Variants in TRPM2 observed in about 807,000 individuals in gnomAD.
TRPM2 encodes the protein transient receptor potential cation channel subfamily M member 2.
Under a neutral mutation model 174.0 loss-of-function variants are expected in TRPM2, and 161 were observed. The observed-to-expected ratio is 0.93, with a 90% CI of 0.81 to 1.05. The LOEUF (loss-of-function observed/expected upper bound fraction) is 1.05. Ranked by LOEUF, TRPM2 falls within the 50% of genes least tolerant of loss-of-function variation. The pLI, the probability that TRPM2 is intolerant of heterozygous loss-of-function variation, is 0.00. For synonymous variants in TRPM2, 954 were observed against 861.3 expected, an observed-to-expected ratio of 1.11 and a Z score of -1.88; for missense variants, 2,057 against 2,038.0, an observed-to-expected ratio of 1.01 and a Z score of -0.18.
In TRPM2 at chr21:44,441,977, C is replaced by A; in HGVS notation, c.*160C>A. ...CCTCACGGCTGCCGCAAGTCTGCTG[C>A]AGATGACCTCATGAACTGGAAGGGG... is the stretch of plus-strand genomic sequence containing the variant. On this transcript the variant is annotated 3_prime_UTR_variant, in exon 32 of 32. Coordinates refer to ENST00000397928, the MANE Select transcript of TRPM2 (RefSeq NM_003307.4). The A allele has an allele frequency of 9.2e-7, 1 of 1,083,484 alleles. No individual in the cohort carries two copies. Among genetic ancestry groups the A allele is most frequent in the Non-Finnish European group, 1.2e-6 (1 of 810,104 alleles). 67.1% of individuals were successfully genotyped at this position (1,083,484 alleles called of 1,614,324 possible).
intron 5 of TRPM2, 62 bp downstream of exon 5, chr21:44,369,405 G>A (rs1602144695): frequency 7.8e-6 from 12 of 1,544,306 alleles, no homozygotes; most frequent in Non-Finnish European, 1.1e-5. Flanking sequence ...GTCTGACTGG[G>A]CGCTGTGGGG....
rs150955029 is a variant in TRPM2, at chr21:44,379,021, G to A, written c.1039G>A (p.Gly347Ser). ...GACCATCGACAACGCCACCACCAAC[G>A]GCACCCCCTGTGTGGTTGTGGAGGG... is the stretch of plus-strand genomic sequence containing the variant. ...LHTIDNATTN[G>S]TPCVVVEGSG... is the part of the protein sequence containing the mutation. The change falls in exon 8 of 32, where the codon GGC becomes AGC. Residue 347 changes from glycine (G) to serine (S), a missense_variant. Physicochemically the swap from Gly to Ser is moderately conservative, Grantham distance 56. Transcript: ENST00000397928. The A allele has an allele frequency of 1.0e-4, 167 of 1,608,302 alleles. No individual in the cohort carries two copies. Among genetic ancestry groups the A allele is most frequent in the Non-Finnish European group, 1.3e-4 (155 of 1,179,936 alleles).
intron 9 of TRPM2, 44 bp downstream of exon 9, chr21:44,382,864 C>G: frequency 1.3e-6 from 2 of 1,549,362 alleles, no homozygotes; most frequent in Non-Finnish European, 1.8e-6. Context: ...GAGGCCAGAA[C>G]GTGAGCTCTG....
chr21:44,427,469 G>A (rs1307439696), intron 27 of TRPM2, among the ~76,000 whole-genome samples: 1 of 152,228 alleles, frequency 6.6e-6, no homozygotes, highest in African/African-American at 2.4e-5. Context: ...GGCACTGGCA[G>A]GCTTACCTGG....
rs564430374 is a variant in TRPM2 at position 44,354,512 on chromosome 21, G to T, written c.166-136G>T. 2.9e-6 allele frequency: 2 copies of T among 690,808 alleles called. No individual in the cohort carries two copies. The highest frequency in any genetic ancestry group is 2.7e-5 in the East Asian group (1 of 37,260). 42.8% of individuals were successfully genotyped at this position (690,808 alleles called of 1,614,324 possible). ...TCTTGGCAAGGTGCTTCTAATCTTT[G>T]GCTCAGGGTCGCGCAGGCTTCCTTC... On this transcript the variant is annotated intron_variant, in intron 1 of 31. Transcript: ENST00000397928. This position sits in a 1 kb window ranked among gnomAD's most constrained non-coding sequence, Gnocchi z 4.3.
chr21:44,391,568 G>T lies in TRPM2; in HGVS notation c.1737G>T (p.Arg579=). The T allele has an allele frequency of 6.3e-7, 1 of 1,593,798 alleles. No individual in the cohort carries two copies. Among genetic ancestry groups the T allele is most frequent in the Non-Finnish European group, 8.5e-7 (1 of 1,175,700 alleles). ...ACTTCACGCAGCCGCTTTATCCCCGGCCCCGGCACAACGACCGGCTGCGGC... is the reference window on the plus strand; with the variant it reads ...ACTTCACGCAGCCGCTTTATCCCCGTCCCCGGCACAACGACCGGCTGCGGC... The part of the protein sequence containing the change: ...LGDFTQPLYP[R]PRHNDRLRLL... The change falls in exon 11 of 32, where the codon CGG becomes CGT. Residue 579 remains arginine (R), a synonymous_variant. Coordinates refer to ENST00000397928, the MANE Select transcript of TRPM2 (RefSeq NM_003307.4). This position sits in a 1 kb window ranked among gnomAD's most constrained non-coding sequence, Gnocchi z 5.0.
At position 44,357,848 on chromosome 21, in the gene TRPM2, T is replaced by A. The variant is rs60666131; in HGVS notation, c.254+3112T>A. Reference sequence around the variant, plus strand: ...GCAACCTGAGATCTGCTGCACCGAGTCTGTCCCGCACAGAAGCCGCTCTCA... The same window carrying A: ...GCAACCTGAGATCTGCTGCACCGAGACTGTCCCGCACAGAAGCCGCTCTCA... On this transcript the variant is annotated intron_variant, in intron 2 of 31. Coordinates refer to ENST00000397928, the MANE Select transcript of TRPM2 (RefSeq NM_003307.4). Among the ~76,000 whole-genome samples the A allele has an allele frequency of 2.2e-3, 332 of 152,066 alleles. 2 individuals carry two copies. Among genetic ancestry groups the A allele is most frequent in the Middle Eastern group, 0.01 (3 of 294 alleles).
chr21:44,382,816 G>C lies in TRPM2; in HGVS notation c.1314G>C (p.Leu438=), dbSNP rs1488203832. 1 of 1,612,650 alleles carries C rather than the reference G, an allele frequency of 6.2e-7. No individual in the cohort carries two copies. The highest frequency in any genetic ancestry group is 1.1e-5 in the South Asian group (1 of 90,716). ...ATGTGGCCATCTTGCAGGCCTTGCT[G>C]AAAGGTGAGGGTCAGGGAACATGGG... ...DVDVAILQAL[L]KASRSQDHFG... The change falls in exon 9 of 32, where the codon CTG becomes CTC. Residue 438 remains leucine (L), a synonymous_variant. Transcript: ENST00000397928.
upstream of TRPM2, among the ~76,000 whole-genome samples, chr21:44,351,334 G>A (rs111627554): frequency 0.017 from 2,569 of 152,358 alleles, 36 homozygotes; most frequent in Middle Eastern, 0.058. Flanking sequence ...ACCCTGAAGG[G>A]TAGGGAATGC....
chr21:44,406,667 T>A lies in TRPM2; in HGVS notation c.2864T>A (p.Ile955Asn). 2 of 1,610,808 alleles carry A rather than the reference T, an allele frequency of 1.2e-6. No homozygotes were observed. Among genetic ancestry groups the A allele is most frequent in the Non-Finnish European group, 1.7e-6 (2 of 1,179,442 alleles). Residue 955 changes from isoleucine (I) to asparagine (N), a missense_variant, in exon 19 of 32, where the codon ATC (isoleucine) becomes AAC (asparagine). By Grantham distance (149) the Ile-to-Asn change is moderately radical. Transcript: ENST00000397928. ...TCCTTCGGGGTGGCCAAGCAGGCCA[T>A]CCTCATCCACAACGAGCGCCGGGTG... is the stretch of plus-strand genomic sequence containing the variant. Reference protein sequence around the residue: ...VVSFGVAKQAILIHNERRVDW... With the variant: ...VVSFGVAKQANLIHNERRVDW...
intron 5 of TRPM2, among the ~76,000 whole-genome samples, chr21:44,373,327 C>T (rs1205383885): frequency 6.6e-6 from 1 of 152,134 alleles, no homozygotes; most frequent in Non-Finnish European, 1.5e-5. Context: ...GCTAGGTCTA[C>T]AGGCACCCAC....
At chr21:44,421,803 C>T (rs2050560122) in intron 22 of TRPM2, among the ~76,000 whole-genome samples, 1 of 152,046 alleles carries the variant, frequency 6.6e-6, no homozygotes, top group South Asian at 2.1e-4. Flanking sequence ...TGGTGGTGCA[C>T]ATGGGGTCAG....
rs115458112 is a variant in TRPM2, at chr21:44,433,049, G to A, written c.3975-2082G>A. Among the ~76,000 whole-genome samples the A allele has an allele frequency of 5.5e-3, 833 of 152,280 alleles. 14 individuals carry two copies. Among genetic ancestry groups the A allele is most frequent in the African/African-American group, 0.019 (792 of 41,560 alleles). Reference sequence around the variant, plus strand: ...GACTCAGGTGTGGGGTGGGGGCTGCGGTGGGAGGAGGGCAGCATGGTGGTC... The same window carrying A: ...GACTCAGGTGTGGGGTGGGGGCTGCAGTGGGAGGAGGGCAGCATGGTGGTC... On this transcript the variant is annotated intron_variant, in intron 27 of 31. Coordinates refer to ENST00000397928, the MANE Select transcript of TRPM2 (RefSeq NM_003307.4).
intron 27 of TRPM2, among the ~76,000 whole-genome samples, chr21:44,430,178 A>G (rs1377440729): frequency 6.6e-6 from 1 of 152,218 alleles, no homozygotes; most frequent in Non-Finnish European, 1.5e-5. Context: ...AAGATTTTAA[A>G]AAATCTGTGT....
At chr21:44,406,093 G>A in intron 18 of TRPM2, 56 bp downstream of exon 18, 4 of 1,587,400 alleles carry the variant, frequency 2.5e-6, no homozygotes, top group Non-Finnish European at 3.4e-6. Context: ...GTGGGCCTCG[G>A]GGAGGGCAGG....
intron 16 of TRPM2, among the ~76,000 whole-genome samples, chr21:44,403,513 T>C (rs1008908592): frequency 6.8e-6 from 1 of 147,048 alleles, no homozygotes; most frequent in East Asian, 2.1e-4. Flanking sequence ...CACACACATG[T>C]ACACATGCAC....
At chr21:44,426,316 G>C (rs1401370876) in intron 25 of TRPM2, among the ~76,000 whole-genome samples, 1 of 152,172 alleles carries the variant, frequency 6.6e-6, no homozygotes, top group African/African-American at 2.4e-5. Flanking sequence ...CCAGGCTGCT[G>C]CTTCCGCTGC....
intron 2 of TRPM2, among the ~76,000 whole-genome samples, chr21:44,358,787 G>A (rs750391851): frequency 1.3e-5 from 2 of 152,188 alleles, no homozygotes; most frequent in African/African-American, 2.4e-5. Context: ...CATTGTGTCC[G>A]GAGTTGGTTC....
chr21:44,403,262 C>A (rs1469033583), intron 16 of TRPM2, among the ~76,000 whole-genome samples: 1 of 152,136 alleles, frequency 6.6e-6, no homozygotes, highest in Non-Finnish European at 1.5e-5. Context: ...ACCTGCCCCA[C>A]CTGTCCAGCT....
Sources: allele counts gnomAD v4.1 joint callset (sites outside exome capture counted in the v4.1 genomes callset), GRCh38; gene constraint gnomAD v4.1.1; non-coding constraint Gnocchi (gnomAD v3.1); transcripts MANE v1.5; gene names NCBI Gene and HGNC (gene_info 2026-07-23, HGNC 2026-07-21).